ATP6V1C2: variants seen among roughly 807,000 people sequenced by gnomAD.
ATP6V1C2 encodes the protein V-type proton ATPase subunit C 2.
In ATP6V1C2, 45 loss-of-function variants were observed where a neutral mutation model predicts 56.8. The ratio of observed to expected loss-of-function variants is 0.79; its 90% CI spans 0.62 to 1.02. ATP6V1C2 has a LOEUF of 1.02. Ranked by LOEUF, ATP6V1C2 falls within the 50% of genes least tolerant of loss-of-function variation. The pLI is 0.00. For synonymous variants in ATP6V1C2, 220 were observed against 201.3 expected (o/e 1.09, Z -0.79); for missense variants, 463 against 519.7 (o/e 0.89, Z 1.06).
intron 4 of ATP6V1C2, among the ~76,000 whole-genome samples, chr2:10,760,648 T>C (rs533739912): frequency 6.6e-6 from 1 of 152,322 alleles, no homozygotes; most frequent in Admixed American, 6.5e-5. Context: ...GCAGAGGTGA[T>C]ACACAGTCTT....
chr2:10,771,256 A>G (rs1664581780), intron 6 of ATP6V1C2, among the ~76,000 whole-genome samples: 1 of 152,166 alleles, frequency 6.6e-6, no homozygotes, highest in African/African-American at 2.4e-5. Context: ...CAGCCTGGGT[A>G]GTGAGATCTT....
intron 4 of ATP6V1C2, among the ~76,000 whole-genome samples, chr2:10,762,165 A>G (rs112554068): frequency 0.046 from 5,448 of 118,386 alleles, 307 homozygotes; most frequent in African/African-American, 0.17. Flanking sequence ...TTTTTTTTTG[A>G]GATGGAGTCT....
intron 3 of ATP6V1C2, among the ~76,000 whole-genome samples, chr2:10,747,711 A>G (rs930669670): frequency 2.0e-5 from 3 of 152,142 alleles, no homozygotes; most frequent in Non-Finnish European, 4.4e-5. Flanking sequence ...CAAAAAAAAA[A>G]AGCACACTTT....
chr2:10,763,838 A>G lies in ATP6V1C2; in HGVS notation c.284-493A>G, dbSNP rs1443763682. On this transcript the variant is annotated intron_variant, in intron 4 of 13. Transcript: ENST00000272238. The surrounding 1 kb of genome is among the most constrained non-coding windows in gnomAD (Gnocchi z 4.2). Reference sequence around the variant, plus strand: ...GGGTTGAGTCAGCTGAGGTTTATTCAGTGTTGCTTCTTTCTGACTTCAATT... The same window carrying G: ...GGGTTGAGTCAGCTGAGGTTTATTCGGTGTTGCTTCTTTCTGACTTCAATT... Among the ~76,000 whole-genome samples the G allele has an allele frequency of 1.3e-5, 2 of 152,068 alleles. No homozygotes were observed. Among genetic ancestry groups the G allele is most frequent in the Non-Finnish European group, 2.9e-5 (2 of 68,018 alleles).
At chr2:10,781,762 C>T (rs891076240) in intron 12 of ATP6V1C2, among the ~76,000 whole-genome samples, 7 of 152,222 alleles carry the variant, frequency 4.6e-5, no homozygotes, top group African/African-American at 1.7e-4. Context: ...AGGAATAGCT[C>T]ATCCCAACAA....
At chr2:10,770,962 G>A (rs553730635) in intron 6 of ATP6V1C2, among the ~76,000 whole-genome samples, 1 of 152,346 alleles carries the variant, frequency 6.6e-6, no homozygotes, top group South Asian at 2.1e-4. Context: ...ATTCAGAGGT[G>A]AGCCAGGGAG....
At chr2:10,761,425 C>G (rs1006107619) in intron 4 of ATP6V1C2, among the ~76,000 whole-genome samples, 1 of 152,118 alleles carries the variant, frequency 6.6e-6, no homozygotes, top group African/African-American at 2.4e-5. Context: ...CCCCGCCATC[C>G]TCCTGGTTAC....
In ATP6V1C2 at chr2:10,782,363, A is replaced by C. The variant is rs1665416942; in HGVS notation, c.1182A>C (p.Thr394=). The C allele has an allele frequency of 6.2e-7, 1 of 1,614,202 alleles. No individual in the cohort carries two copies. The highest frequency in any genetic ancestry group is 2.2e-5 in the East Asian group (1 of 44,876). The change falls in exon 13 of 14, where the codon ACA becomes ACC. Residue 394 remains threonine (T), a synonymous_variant. Transcript: ENST00000272238. ...VFRHLDEVAA[T]SILDASVEIP... ...GACATCTGGATGAAGTAGCCGCTACAAGTATACTGGATGTAGGTATCCAGA... is the reference window on the plus strand; with the variant it reads ...GACATCTGGATGAAGTAGCCGCTACCAGTATACTGGATGTAGGTATCCAGA...
chr2:10,742,096 G>A (rs987587055), intron 3 of ATP6V1C2, among the ~76,000 whole-genome samples: 1 of 152,148 alleles, frequency 6.6e-6, no homozygotes, highest in Admixed American at 6.6e-5. Context: ...TTTTAGTAGA[G>A]ACAGGGTTTG....
rs1427178032 is a variant in ATP6V1C2, at chr2:10,764,419, A to T, written c.372A>T (p.Ile124=). Residue 124 remains isoleucine, a synonymous_variant, in exon 5 of 14, where the codon ATA becomes ATT. Transcript: ENST00000272238. Reference sequence around the variant, plus strand: ...CGCTCGTGAGTGTGGTGGACACAATAGCCAAGGTGAGAAAAGGGACTGCTC... The same window carrying T: ...CGCTCGTGAGTGTGGTGGACACAATTGCCAAGGTGAGAAAAGGGACTGCTC... The part of the protein sequence containing the change: ...KQPLVSVVDT[I]AKQLAQIEMD... The T allele has an allele frequency of 6.2e-7, 1 of 1,613,694 alleles. No individual in the cohort carries two copies. Among genetic ancestry groups the T allele is most frequent in the East Asian group, 2.2e-5 (1 of 44,892 alleles).
intron 12 of ATP6V1C2, among the ~76,000 whole-genome samples, chr2:10,779,787 GAGA>G (rs1391610328): frequency 6.6e-6 from 1 of 152,034 alleles, no homozygotes; most frequent in Non-Finnish European, 1.5e-5. Context: ...AACACCAGGA[GAGA>G]ACACTGCCAG....
At position 10,745,326 on chromosome 2, in the gene ATP6V1C2, C is replaced by A. The variant is rs886917726; in HGVS notation, c.198-8655C>A. Among the ~76,000 whole-genome samples the A allele has an allele frequency of 8.0e-5, 12 of 149,336 alleles. No individual in the cohort carries two copies. In the Admixed American group the frequency reaches 8.1e-4, roughly 10 times the overall value. ...GTGCAGGGATTATAGGCATGAGCCACTGTGCCCAGCCTATTTGTTACCTTT... is the reference window on the plus strand; with the variant it reads ...GTGCAGGGATTATAGGCATGAGCCAATGTGCCCAGCCTATTTGTTACCTTT... On this transcript the variant is annotated intron_variant, in intron 3 of 13. Transcript: ENST00000272238.
intron 3 of ATP6V1C2, among the ~76,000 whole-genome samples, chr2:10,739,749 A>G (rs1223967655): frequency 6.6e-6 from 1 of 152,192 alleles, no homozygotes; most frequent in Non-Finnish European, 1.5e-5. Context: ...ATATCCTTGC[A>G]TAACTCATTG....
At position 10,774,807 on chromosome 2, in the gene ATP6V1C2, G is replaced by T. The variant is rs1245397180; in HGVS notation, c.658G>T (p.Glu220Ter). The change falls in exon 9 of 14, where the codon GAA (glutamate) becomes TAA (stop). Residue 220 changes from glutamate to a stop codon, truncating the protein, a stop_gained. Coordinates refer to ENST00000272238, the MANE Select transcript of ATP6V1C2 (RefSeq NM_001039362.2). LOFTEE classifies it high-confidence loss of function. ...RSTKLITEDK[E>*]GGLFTVTLFR... The stretch of plus-strand genomic sequence containing the variant: ...CAACAGACTCATTACTGAGGACAAG[G>T]AAGGGGGCCTTTTCACTGTGACTCT... 2 of 1,614,172 alleles carry T rather than the reference G, an allele frequency of 1.2e-6. No homozygotes were observed. Among genetic ancestry groups the T allele is most frequent in the Non-Finnish European group, 1.7e-6 (2 of 1,180,004 alleles).
chr2:10,769,224 A>G (rs2148491630), intron 6 of ATP6V1C2, among the ~76,000 whole-genome samples: 1 of 152,370 alleles, frequency 6.6e-6, no homozygotes, highest in Non-Finnish European at 1.5e-5. Context: ...AGAGCAGAGC[A>G]GCCTCAGGGA....
intron 3 of ATP6V1C2, among the ~76,000 whole-genome samples, chr2:10,739,463 C>G (rs997720376): frequency 6.6e-6 from 1 of 151,880 alleles, no homozygotes; most frequent in East Asian, 1.9e-4. Flanking sequence ...ACTAGCTGGT[C>G]AGGCCCCAGG....
At chr2:10,781,568 A>G (rs1665358970) in intron 12 of ATP6V1C2, among the ~76,000 whole-genome samples, 1 of 152,194 alleles carries the variant, frequency 6.6e-6, no homozygotes, top group Non-Finnish European at 1.5e-5. Context: ...TGCACAGAGT[A>G]CTAGGTGAGT....
intron 6 of ATP6V1C2, among the ~76,000 whole-genome samples, chr2:10,770,216 T>A (rs977436150): frequency 1.3e-5 from 2 of 152,016 alleles, no homozygotes; most frequent in Non-Finnish European, 2.9e-5. Context: ...CTGACCAACA[T>A]AGAGGAACCT....
At chr2:10,750,573 G>A (rs1663153070) in intron 3 of ATP6V1C2, among the ~76,000 whole-genome samples, 1 of 151,942 alleles carries the variant, frequency 6.6e-6, no homozygotes, top group Non-Finnish European at 1.5e-5. Context: ...CTAGGACAAG[G>A]AGCACTAAAC....
Sources: gnomAD v4.1 joint callset for allele counts (sites outside exome capture counted in the v4.1 genomes callset) on GRCh38, gnomAD v4.1.1 for gene constraint, Gnocchi (gnomAD v3.1) non-coding constraint, MANE v1.5 for transcripts, NCBI Gene and HGNC (gene_info 2026-07-23, HGNC 2026-07-21) for gene names.